The following THEMIS variants were observed in gnomAD, a reference collection of about 807,000 sequenced individuals.
THEMIS encodes protein THEMIS.
A neutral mutation model predicts 52.6 loss-of-function variants in THEMIS; 37 were observed. That is an observed-to-expected ratio of 0.70 (90% CI 0.54 to 0.93). The LOEUF is 0.93. Among genes scored for constraint, THEMIS ranks in the 40% least tolerant of loss-of-function variants. The pLI, the probability that THEMIS is intolerant of heterozygous loss-of-function variation, is 0.00. For missense variants in THEMIS, 808 were observed against 763.1 expected (o/e 1.06, Z -0.69); for synonymous variants, 292 against 272.7 (o/e 1.07, Z -0.70).
chr6:127,826,049 G>A (rs1024217243), intron 3 of THEMIS, among the ~76,000 whole-genome samples: 1 of 152,114 alleles, frequency 6.6e-6, no homozygotes, highest in African/African-American at 2.4e-5. Flanking sequence ...GAATATAAGA[G>A]AATTAAGTCT....
At chr6:127,813,958 A>T in intron 3 of THEMIS, 27 bp from the exon 4 acceptor site, 1 of 1,503,614 alleles carries the variant, frequency 6.7e-7, no homozygotes, top group Non-Finnish European at 8.9e-7. Flanking sequence ...AATCACTATG[A>T]TATTTTTGTA....
chr6:127,792,582 T>C (rs1777194788), intron 4 of THEMIS, among the ~76,000 whole-genome samples: 1 of 152,242 alleles, frequency 6.6e-6, no homozygotes, highest in African/African-American at 2.4e-5. Flanking sequence ...GGGATTGTGT[T>C]TCTGGCCTTC....
intron 4 of THEMIS, among the ~76,000 whole-genome samples, chr6:127,721,713 G>GT (rs1774368486): frequency 6.6e-6 from 1 of 151,966 alleles, no homozygotes; most frequent in African/African-American, 2.4e-5. Flanking sequence ...TTATCATGTA[G>GT]TTTTTGGAAA....
At chr6:127,907,496 A>G (rs1285394027) in intron 1 of THEMIS, among the ~76,000 whole-genome samples, 5 of 151,572 alleles carry the variant, frequency 3.3e-5, no homozygotes, top group Non-Finnish European at 7.4e-5. Context: ...GTCCCAGGAT[A>G]AACTGTGATT....
upstream of THEMIS, among the ~76,000 whole-genome samples, chr6:127,902,848 G>C (rs922929888): frequency 1.3e-5 from 2 of 151,912 alleles, no homozygotes; most frequent in East Asian, 1.9e-4. Context: ...TTATGAATCC[G>C]TTAGAACTGA....
intron 1 of THEMIS, among the ~76,000 whole-genome samples, chr6:127,918,163 G>A (rs749655947): frequency 6.6e-6 from 1 of 152,140 alleles, no homozygotes; most frequent in Non-Finnish European, 1.5e-5. Flanking sequence ...AAGGCTCCAA[G>A]GCACAGACTT....
At chr6:127,756,896 A>T (rs149836690) in intron 4 of THEMIS, among the ~76,000 whole-genome samples, 29 of 152,326 alleles carry the variant, frequency 1.9e-4, no homozygotes, top group African/African-American at 7.0e-4. Flanking sequence ...CATTTCTGTC[A>T]ATTTGTGATT....
In THEMIS at chr6:127,798,979, G is replaced by A. The variant is rs1311148854; in HGVS notation, c.1758+13904C>T. The stretch of plus-strand genomic sequence containing the variant: ...TGCAGTCCAGCCTGGGCGACAGAGC[G>A]AGACTCCGTCTCAAAAAAAAAAAAA... On this transcript the variant is annotated intron_variant, in intron 4 of 5. Transcript: ENST00000368248. Among the ~76,000 whole-genome samples the A allele has an allele frequency of 9.6e-5, 13 of 134,880 alleles. No homozygotes were observed. The South Asian group carries it at 1.4e-3, about 14-fold the overall frequency. 88.5% of individuals were successfully genotyped at this position (134,880 alleles called of 152,430 possible).
At chr6:127,779,010 T>C (rs1352867032) in intron 4 of THEMIS, among the ~76,000 whole-genome samples, 4 of 152,120 alleles carry the variant, frequency 2.6e-5, no homozygotes, top group Non-Finnish European at 5.9e-5. Flanking sequence ...ATGTACATAG[T>C]CAGTTGTTAC....
At chr6:127,893,109 T>A (rs1780860707) in intron 1 of THEMIS, among the ~76,000 whole-genome samples, 1 of 152,082 alleles carries the variant, frequency 6.6e-6, no homozygotes. Flanking sequence ...CTTTTTATTT[T>A]ATAAATTTAA....
Position 127,841,658 on chromosome 6 carries a change from T to C in THEMIS, c.251-11724A>G, listed in dbSNP as rs142395935. Among the ~76,000 whole-genome samples, 226 of 151,864 alleles carry C rather than the reference T, an allele frequency of 1.5e-3. 1 individual carries two copies. The highest frequency in any genetic ancestry group is 3.8e-3 in the Admixed American group (58 of 15,222). On this transcript the variant is annotated intron_variant, in intron 2 of 5. Coordinates refer to ENST00000368248, the MANE Select transcript of THEMIS (RefSeq NM_001010923.3). ...CTGTTTGTCTTTTGGCTAATATACA[T>C]GGTAGTTATCCAAAGACCAAGGATG... is the stretch of plus-strand genomic sequence containing the variant.
intron 4 of THEMIS, among the ~76,000 whole-genome samples, chr6:127,752,089 G>T (rs970856765): frequency 1.3e-5 from 2 of 151,476 alleles, no homozygotes; most frequent in Non-Finnish European, 3.0e-5. Flanking sequence ...AATCAAAAGG[G>T]ATATCAAAAC....
At chr6:127,846,901 T>C (rs555043967) in intron 2 of THEMIS, among the ~76,000 whole-genome samples, 1 of 151,838 alleles carries the variant, frequency 6.6e-6, no homozygotes. Context: ...AAATATTAGC[T>C]AACTAAATCT....
rs1456541010 is a variant in THEMIS at position 127,872,485 on chromosome 6, C to CACT, written c.92-17298_92-17297insAGT. Among the ~76,000 whole-genome samples the CACT allele has an allele frequency of 3.9e-5, 6 of 152,074 alleles. No individual in the cohort carries two copies. In the East Asian group the frequency reaches 1.2e-3, roughly 29 times the overall value. ...TACTCAGGAGGCTGAGGCAGGAAAC[C>CACT]CAGTAAGCAGAGGTTGCAGTGAGCC... On this transcript the variant is annotated intron_variant, in intron 1 of 5. Transcript: ENST00000368248.
intron 4 of THEMIS, among the ~76,000 whole-genome samples, chr6:127,794,644 A>G (rs1562261997): frequency 6.6e-6 from 1 of 152,118 alleles, no homozygotes; most frequent in Non-Finnish European, 1.5e-5. Context: ...TGTGTTTATT[A>G]TCTCTTTCCT....
chr6:127,779,626 G>T (rs1776678475), intron 4 of THEMIS, among the ~76,000 whole-genome samples: 1 of 152,112 alleles, frequency 6.6e-6, no homozygotes, highest in Non-Finnish European at 1.5e-5. Context: ...TTCTAATGTG[G>T]TGTAGGAAGT....
In THEMIS at chr6:127,812,906, CCGTCCTTT is replaced by C. The variant is rs775542309; in HGVS notation, c.1727_1734del (p.Glu576GlyfsTer33). The C allele has an allele frequency of 6.2e-7, 1 of 1,608,728 alleles. No individual in the cohort carries two copies. Among genetic ancestry groups the C allele is most frequent in the Non-Finnish European group, 8.5e-7 (1 of 1,177,088 alleles). On this transcript the variant is annotated frameshift_variant, in exon 4 of 6. Transcript: ENST00000368248. LOFTEE classifies it high-confidence loss of function. ...ACCTTGGGAGACTTGGGCAGGTCTA[CCGTCCTTT>C]CTTCTGCTAAGGTTAGCAGGGTTAA...
chr6:127,901,620 A>G (rs1446732818), upstream of THEMIS, among the ~76,000 whole-genome samples: 1 of 152,080 alleles, frequency 6.6e-6, no homozygotes. Flanking sequence ...ACAGTAAATT[A>G]ACAAAGTACA....
chr6:127,757,668 A>G (rs1295995617), intron 4 of THEMIS, among the ~76,000 whole-genome samples: 1 of 152,034 alleles, frequency 6.6e-6, no homozygotes, highest in Non-Finnish European at 1.5e-5. Context: ...ATTTTTTAGT[A>G]GAGACGGGGT....
Sources: gnomAD v4.1 joint callset for allele counts (sites outside exome capture counted in the v4.1 genomes callset) on GRCh38, gnomAD v4.1.1 for gene constraint, MANE v1.5 for transcripts, NCBI Gene and HGNC (gene_info 2026-07-23, HGNC 2026-07-21) for gene names.